FBN2: variants seen among roughly 807,000 people sequenced by gnomAD.
The protein encoded by FBN2 is fibrillin-2.
In FBN2, 105 loss-of-function variants were observed where a neutral mutation model predicts 355.6. The observed-to-expected ratio is 0.30, with a 90% CI of 0.25 to 0.35. FBN2 has a LOEUF of 0.35. FBN2 is among the 10% of genes least tolerant of loss of function. FBN2 has a pLI of 1.00. For missense variants in FBN2, 3,280 were observed against 3,758.7 expected (o/e 0.87, Z 3.33); for synonymous variants, 1,350 against 1,301.2 (o/e 1.04, Z -0.81).
intron 7 of FBN2, among the ~76,000 whole-genome samples, chr5:128,434,771 T>A (rs1348643041): frequency 1.3e-5 from 2 of 152,102 alleles, no homozygotes; most frequent in East Asian, 3.9e-4. Flanking sequence ...AATAAAAATT[T>A]ATCGAGCAAT....
In FBN2 at chr5:128,395,288, A is replaced by C. The variant is rs754310681; in HGVS notation, c.1079-14T>G. 1.6e-5 allele frequency: 26 copies of C among 1,613,842 alleles called. No individual in the cohort carries two copies. Among genetic ancestry groups the C allele is most frequent in the Non-Finnish European group, 2.0e-5 (24 of 1,179,996 alleles). ...CTGTTCTCTGATCTGTGCATGTATA[A>C]ATAAGACAGAAGATATGGCAGAATT... On this transcript the variant is annotated splice_polypyrimidine_tract_variant and intron_variant, in intron 8 of 64. Transcript: ENST00000262464.
chr5:128,339,649 G>C (rs1240791898), intron 25 of FBN2, among the ~76,000 whole-genome samples: 1 of 152,190 alleles, frequency 6.6e-6, no homozygotes, highest in Non-Finnish European at 1.5e-5. Context: ...CTGTGGTATG[G>C]GCTGAATGAG....
In FBN2 at chr5:128,537,857, C is replaced by G. The variant is rs542010994; in HGVS notation, c.-254G>C. Reference sequence around the variant, plus strand: ...GCGCGGCGGAGGTGCAGCCGGCAGCCCCGAGCGGTACACGTTGCATAACCG... The same window carrying G: ...GCGCGGCGGAGGTGCAGCCGGCAGCGCCGAGCGGTACACGTTGCATAACCG... On this transcript the variant is annotated 5_prime_UTR_variant, in exon 1 of 65. Transcript: ENST00000262464. The G allele has an allele frequency of 1.9e-5, 11 of 591,168 alleles. No homozygotes were observed. The highest frequency in any genetic ancestry group is 9.0e-4 in the Middle Eastern group (2 of 2,220). 36.6% of individuals were successfully genotyped at this position (591,168 alleles called of 1,614,324 possible).
intron 59 of FBN2, among the ~76,000 whole-genome samples, chr5:128,275,098 A>G (rs1765357551): frequency 6.6e-6 from 1 of 152,176 alleles, no homozygotes. Flanking sequence ...CAGAAACACT[A>G]AGAGTCTCCA....
chr5:128,446,707 C>T lies in FBN2; in HGVS notation c.827-101G>A. On this transcript the variant is annotated intron_variant, in intron 6 of 64. Transcript: ENST00000262464. ...TTTATATAAACATTCTTCTAAGAAA[C>T]TCAGTTTTTCTCAAGAGAGTGGGGT... 2.4e-6 allele frequency: 3 copies of T among 1,271,318 alleles called. No homozygotes were observed. In the East Asian group the frequency reaches 7.8e-5, roughly 33 times the overall value. The allele number at this position is 1,271,318 out of a possible 1,614,324, so 78.8% of individuals were successfully genotyped here.
At chr5:128,298,323 GCTCTT>G (rs1290588386) in intron 48 of FBN2, among the ~76,000 whole-genome samples, 6 of 151,866 alleles carry the variant, frequency 4.0e-5, no homozygotes, top group African/African-American at 1.5e-4. Context: ...TCTTGGTGTT[GCTCTT>G]CTCGAGGAGT....
At chr5:128,299,710 G>A (rs1281081371) in intron 48 of FBN2, among the ~76,000 whole-genome samples, 3 of 152,050 alleles carry the variant, frequency 2.0e-5, no homozygotes, top group African/African-American at 7.2e-5. Flanking sequence ...CCACTGACCT[G>A]CGCCCACTGT....
At chr5:128,456,015 A>ACAAC (rs1754381101) in intron 6 of FBN2, among the ~76,000 whole-genome samples, 1 of 147,448 alleles carries the variant, frequency 6.8e-6, no homozygotes, top group Non-Finnish European at 1.5e-5. Flanking sequence ...AAAAAAAAAA[A>ACAAC]AAAAAAAAGC....
intron 32 of FBN2, among the ~76,000 whole-genome samples, chr5:128,332,288 T>C (rs1178945091): frequency 6.6e-6 from 1 of 152,172 alleles, no homozygotes; most frequent in Non-Finnish European, 1.5e-5. Context: ...TGCTTTATTG[T>C]AAGGCATGTG....
chr5:128,509,766 C>A (rs1196553868), intron 5 of FBN2, among the ~76,000 whole-genome samples: 4 of 152,114 alleles, frequency 2.6e-5, no homozygotes, highest in Non-Finnish European at 5.9e-5. Context: ...TTATTCTCCA[C>A]AGCCAGAGCA....
chr5:128,289,118 A>T lies in FBN2; in HGVS notation c.6637+9T>A. On this transcript the variant is annotated intron_variant, in intron 52 of 64. Coordinates refer to ENST00000262464, the MANE Select transcript of FBN2 (RefSeq NM_001999.4). ...CTTTAAAATTCTGTAATGTGGAGCC[A>T]ACACTCACCCACACAGCGTACTCCA... The T allele has an allele frequency of 1.2e-6, 2 of 1,614,016 alleles. No individual in the cohort carries two copies. The highest frequency in any genetic ancestry group is 1.7e-6 in the Non-Finnish European group (2 of 1,179,880).
In FBN2 at chr5:128,339,000, C is replaced by A. The variant is rs185809581; in HGVS notation, c.3405G>T (p.Pro1135=). ...CGAAGCACTCGCACTCAAAGCTGCC[C>A]GGTGTATTGACGCAGATTCCACTGC... ...LCGSGICVNT[P]GSFECECFEG... Residue 1135 remains proline (P), a synonymous_variant, in exon 26 of 65, where the codon CCG becomes CCT. Coordinates refer to ENST00000262464, the MANE Select transcript of FBN2 (RefSeq NM_001999.4). 3 of 1,613,916 alleles carry A rather than the reference C, an allele frequency of 1.9e-6. No individual in the cohort carries two copies. Among genetic ancestry groups the A allele is most frequent in the South Asian group, 2.2e-5 (2 of 91,072 alleles).
At chr5:128,290,332 T>C (rs892643705) in intron 50 of FBN2, among the ~76,000 whole-genome samples, 6 of 152,188 alleles carry the variant, frequency 3.9e-5, no homozygotes, top group African/African-American at 9.7e-5. Flanking sequence ...TAAAGGGCCA[T>C]TGTGCTGACT....
chr5:128,296,549 T>C (rs1304827187), intron 48 of FBN2, among the ~76,000 whole-genome samples: 2 of 152,118 alleles, frequency 1.3e-5, no homozygotes, highest in Non-Finnish European at 2.9e-5. Context: ...TTCAACTTCT[T>C]CCTGGTTTAG....
chr5:128,521,479 T>C (rs1346112156), intron 4 of FBN2, among the ~76,000 whole-genome samples: 5 of 152,142 alleles, frequency 3.3e-5, no homozygotes, highest in Admixed American at 2.6e-4. Context: ...CATTTACCTA[T>C]GTAACAAACC....
chr5:128,305,735 GAAGAAA>G (rs1749852215), intron 43 of FBN2, 82 bp downstream of exon 43: 1 of 1,598,536 alleles, frequency 6.3e-7, no homozygotes, highest in African/African-American at 1.3e-5. Context: ...AAAAATTGTA[GAAGAAA>G]TAGTAAAAAT....
At chr5:128,511,042 A>G (rs1401206190) in intron 5 of FBN2, among the ~76,000 whole-genome samples, 7 of 152,208 alleles carry the variant, frequency 4.6e-5, no homozygotes, top group African/African-American at 1.4e-4. Flanking sequence ...TAATTCCTCT[A>G]AAGTATTTAT....
chr5:128,423,262 A>G (rs1330669234), intron 7 of FBN2, among the ~76,000 whole-genome samples: 2 of 152,178 alleles, frequency 1.3e-5, no homozygotes, highest in Non-Finnish European at 2.9e-5. Context: ...CCGTTCTCAC[A>G]CTGCTAATAA....
intron 36 of FBN2, among the ~76,000 whole-genome samples, chr5:128,315,964 T>C (rs1750189758): frequency 1.3e-5 from 2 of 152,202 alleles, no homozygotes; most frequent in Non-Finnish European, 2.9e-5. Flanking sequence ...CCATCACCTT[T>C]AGAATCTAGA....
Sources: allele counts gnomAD v4.1 joint callset (sites outside exome capture counted in the v4.1 genomes callset), GRCh38; gene constraint gnomAD v4.1.1; transcripts MANE v1.5; gene names NCBI Gene and HGNC (gene_info 2026-07-23, HGNC 2026-07-21).